EDIL3: variants seen among roughly 807,000 people sequenced by gnomAD.
The protein encoded by EDIL3 is EGF like and discoidin domains 3, also known as EGF-like repeat and discoidin I-like domain-containing protein 3.
Under a neutral mutation model 67.4 loss-of-function variants are expected in EDIL3, and 37 were observed. That is an observed-to-expected ratio of 0.55 (90% CI 0.42 to 0.72). The LOEUF (loss-of-function observed/expected upper bound fraction) is 0.72, where lower values mean the gene tolerates loss of function less well. Ranked by LOEUF, EDIL3 falls within the 30% of genes least tolerant of loss-of-function variation. The probability of loss-of-function intolerance (pLI) is 0.00; values close to 1 mark genes in which losing one functional copy is unlikely to be tolerated. For synonymous variants in EDIL3, 195 were observed against 196.3 expected (o/e 0.99, Z 0.05); for missense variants, 527 against 586.3 (o/e 0.90, Z 1.04).
At chr5:84,235,512 T>C (rs1347647656) in intron 2 of EDIL3, among the ~76,000 whole-genome samples, 1 of 152,104 alleles carries the variant, frequency 6.6e-6, no homozygotes, top group African/African-American at 2.4e-5. Context: ...TGTAAACATA[T>C]ATTGAATTTT....
chr5:83,958,473 T>A (rs185185115), intron 10 of EDIL3, among the ~76,000 whole-genome samples: 4 of 151,594 alleles, frequency 2.6e-5, no homozygotes, highest in Non-Finnish European at 4.4e-5. Context: ...TGTTTTCTGT[T>A]TTGGAAAATC....
chr5:84,065,199 A>G (rs908086805), intron 7 of EDIL3, among the ~76,000 whole-genome samples: 17 of 152,084 alleles, frequency 1.1e-4, no homozygotes. Flanking sequence ...TCATTTTCCT[A>G]CTTAGTATTC....
At chr5:84,017,795 T>C (rs1419367952) in intron 9 of EDIL3, among the ~76,000 whole-genome samples, 2 of 152,206 alleles carry the variant, frequency 1.3e-5, no homozygotes, top group Non-Finnish European at 2.9e-5. Flanking sequence ...CTGTTAATAC[T>C]GATCATAAAT....
At chr5:84,001,198 C>T (rs1357556386) in intron 9 of EDIL3, among the ~76,000 whole-genome samples, 1 of 152,022 alleles carries the variant, frequency 6.6e-6, no homozygotes, top group East Asian at 1.9e-4. Flanking sequence ...AGGTGCCTGC[C>T]ACCACACCTG....
rs138129045 is a variant in EDIL3 at position 84,278,545 on chromosome 5, C to T, written c.68-24333G>A. 1.9e-3 allele frequency among the ~76,000 whole-genome samples: 287 copies of T among 152,180 alleles called. 1 individual carries two copies. Among genetic ancestry groups the T allele is most frequent in the Non-Finnish European group, 2.9e-3 (198 of 67,998 alleles). On this transcript the variant is annotated intron_variant, in intron 1 of 10. Coordinates refer to ENST00000296591, the MANE Select transcript of EDIL3 (RefSeq NM_005711.5). ...CAGCATGTTGAGGACCTACCACGTG[C>T]CCAATATTATATCAGGTATAGAAAA...
At chr5:84,072,130 T>A (rs549138006) in intron 6 of EDIL3, among the ~76,000 whole-genome samples, 2 of 152,224 alleles carry the variant, frequency 1.3e-5, no homozygotes, top group East Asian at 3.9e-4. Context: ...ACACTAGATT[T>A]AAAAATGTTA....
At chr5:83,994,715 T>C (rs1745207815) in intron 9 of EDIL3, among the ~76,000 whole-genome samples, 1 of 152,160 alleles carries the variant, frequency 6.6e-6, no homozygotes, top group South Asian at 2.1e-4. Context: ...AAAACATGGA[T>C]ATACTAGGTG....
chr5:84,358,074 C>T (rs778396110), intron 1 of EDIL3, among the ~76,000 whole-genome samples: 14 of 152,092 alleles, frequency 9.2e-5, no homozygotes, highest in Non-Finnish European at 4.4e-5. Context: ...ATCCTCCACA[C>T]AGCCAAGGAG....
chr5:84,262,947 A>C (rs964214405), intron 1 of EDIL3, among the ~76,000 whole-genome samples: 2 of 151,964 alleles, frequency 1.3e-5, no homozygotes, highest in African/African-American at 4.8e-5. Flanking sequence ...CTAGGATTAT[A>C]GGCATGAGCC....
chr5:84,139,940 G>C (rs1463507771), intron 4 of EDIL3, among the ~76,000 whole-genome samples: 2 of 152,172 alleles, frequency 1.3e-5, no homozygotes, highest in Non-Finnish European at 2.9e-5. Flanking sequence ...TTTTGGAGCA[G>C]AGAAGATGAA....
At chr5:84,046,395 A>G (rs1044513191) in intron 9 of EDIL3, among the ~76,000 whole-genome samples, 1 of 152,116 alleles carries the variant, frequency 6.6e-6, no homozygotes, top group African/African-American at 2.4e-5. Flanking sequence ...AAAATGAGTC[A>G]CTTCAATCAT....
At chr5:84,335,910 A>G (rs542373029) in intron 1 of EDIL3, among the ~76,000 whole-genome samples, 46 of 152,314 alleles carry the variant, frequency 3.0e-4, no homozygotes, top group African/African-American at 1.1e-3. Context: ...TCTCTTCTGC[A>G]AAGATAGCAC....
At chr5:83,978,959 A>G (rs1266262716) in intron 9 of EDIL3, among the ~76,000 whole-genome samples, 2 of 152,154 alleles carry the variant, frequency 1.3e-5, no homozygotes, top group Non-Finnish European at 2.9e-5. Flanking sequence ...TTACTATATT[A>G]AAATGAAAAT....
chr5:84,249,390 T>A (rs1031802023), intron 2 of EDIL3, among the ~76,000 whole-genome samples: 4 of 141,948 alleles, frequency 2.8e-5, no homozygotes. Context: ...TATCTATCTA[T>A]CTATCTATCT....
At chr5:84,187,641 G>A (rs1207219670) in intron 3 of EDIL3, among the ~76,000 whole-genome samples, 1 of 152,026 alleles carries the variant, frequency 6.6e-6, no homozygotes, top group Non-Finnish European at 1.5e-5. Flanking sequence ...CCAAATTCTG[G>A]TGTTAAGAAC....
intron 2 of EDIL3, among the ~76,000 whole-genome samples, chr5:84,230,122 CT>C (rs1210704293): frequency 6.6e-6 from 1 of 151,992 alleles, no homozygotes; most frequent in Admixed American, 6.6e-5. Flanking sequence ...TGCTCCTATA[CT>C]TTAAAATATC....
chr5:84,175,750 T>C (rs1748891301), intron 4 of EDIL3, among the ~76,000 whole-genome samples: 1 of 152,108 alleles, frequency 6.6e-6, no homozygotes. Context: ...CCAGTATCAT[T>C]TGGTGATTGA....
chr5:84,323,693 C>T (rs568843486), intron 1 of EDIL3, among the ~76,000 whole-genome samples: 2 of 151,814 alleles, frequency 1.3e-5, no homozygotes, highest in African/African-American at 4.8e-5. Context: ...AGTCCAAAGA[C>T]ACAAATAGAT....
At chr5:84,015,659 T>C (rs1385597114) in intron 9 of EDIL3, among the ~76,000 whole-genome samples, 4 of 151,272 alleles carry the variant, frequency 2.6e-5, no homozygotes, top group Non-Finnish European at 5.9e-5. Context: ...CAAGAGTGTG[T>C]TATATATATA....
Sources: allele counts gnomAD v4.1 joint callset (sites outside exome capture counted in the v4.1 genomes callset), GRCh38; gene constraint gnomAD v4.1.1; transcripts MANE v1.5; gene names NCBI Gene and HGNC (gene_info 2026-07-23, HGNC 2026-07-21).